ARHGEF11: variants seen among roughly 807,000 people sequenced by gnomAD.
ARHGEF11 encodes the protein Rho guanine nucleotide exchange factor 11.
Under a neutral mutation model 193.7 loss-of-function variants are expected in ARHGEF11, and 55 were observed. The ratio of observed to expected loss-of-function variants is 0.28; its 90% CI spans 0.23 to 0.36. ARHGEF11 has a LOEUF of 0.36. Ranked by LOEUF, ARHGEF11 falls within the 10% of genes least tolerant of loss-of-function variation. The pLI is 1.00. For synonymous variants in ARHGEF11, 693 were observed against 768.0 expected, an observed-to-expected ratio of 0.90 and a Z score of 1.62; for missense variants, 1,723 against 2,005.6, an observed-to-expected ratio of 0.86 and a Z score of 2.69.
chr1:157,023,248 G>T (rs985746238), intron 1 of ARHGEF11, among the ~76,000 whole-genome samples: 1 of 151,998 alleles, frequency 6.6e-6, no homozygotes, highest in Non-Finnish European at 1.5e-5. Context: ...CTCTGACAAG[G>T]GTCTAGTATA....
intron 1 of ARHGEF11, among the ~76,000 whole-genome samples, chr1:157,012,565 T>G (rs1035526571): frequency 5.3e-5 from 8 of 152,202 alleles, no homozygotes; most frequent in African/African-American, 1.9e-4. Flanking sequence ...TTTACAGATA[T>G]GAAGAAAACG....
At chr1:156,950,701 G>T (rs1658954960) in intron 22 of ARHGEF11, among the ~76,000 whole-genome samples, 1 of 152,180 alleles carries the variant, frequency 6.6e-6, no homozygotes, top group Non-Finnish European at 1.5e-5. Context: ...AAAATGGCTT[G>T]AATATCCACG....
intron 32 of ARHGEF11, 63 bp downstream of exon 32, chr1:156,943,872 A>C: frequency 3.9e-6 from 6 of 1,553,214 alleles, no homozygotes; most frequent in Non-Finnish European, 5.2e-6. Flanking sequence ...GCCCTGCCTC[A>C]CCCAGCACTT....
chr1:157,016,137 C>G (rs1435787758), intron 1 of ARHGEF11, among the ~76,000 whole-genome samples: 1 of 152,196 alleles, frequency 6.6e-6, no homozygotes, highest in African/African-American at 2.4e-5. Flanking sequence ...ATTGTGAGGA[C>G]TGAATGAGGC....
At chr1:157,019,157 T>C (rs1455413095) in intron 1 of ARHGEF11, among the ~76,000 whole-genome samples, 1 of 152,198 alleles carries the variant, frequency 6.6e-6, no homozygotes, top group Non-Finnish European at 1.5e-5. Flanking sequence ...ATTAAGAACT[T>C]TTGTTCCTCA....
chr1:157,035,687 T>A (rs933332278), intron 1 of ARHGEF11, among the ~76,000 whole-genome samples: 1 of 151,450 alleles, frequency 6.6e-6, no homozygotes, highest in Admixed American at 6.6e-5. Context: ...TCCTATATTC[T>A]CTACATTAGT....
intron 11 of ARHGEF11, among the ~76,000 whole-genome samples, chr1:156,966,359 C>T (rs1661666445): frequency 6.6e-6 from 1 of 152,242 alleles, no homozygotes; most frequent in Non-Finnish European, 1.5e-5. Context: ...TCAGCACACA[C>T]ATATGTAATT....
chr1:157,033,910 T>G (rs1671596680), intron 1 of ARHGEF11, among the ~76,000 whole-genome samples: 1 of 152,200 alleles, frequency 6.6e-6, no homozygotes, highest in South Asian at 2.1e-4. Flanking sequence ...AGGAGTAAGT[T>G]TGGGTGCTAT....
chr1:156,942,805 G>T, intron 32 of ARHGEF11, 25 bp from the exon 33 acceptor site: 1 of 1,603,922 alleles, frequency 6.2e-7, no homozygotes, highest in Non-Finnish European at 8.5e-7. Flanking sequence ...GAAGGTAGAA[G>T]GGTCTGTACT....
rs755035554 is a variant in ARHGEF11, at chr1:156,951,705, A to C, written c.1799-6T>G. On this transcript the variant is annotated splice_polypyrimidine_tract_variant and splice_region_variant and intron_variant, in intron 21 of 40. Transcript: ENST00000368194. ...CCTCACATTGCCTGGTTTGACTAGAAGCAAAAAGAAAATGAAGGACACTAG... is the reference window on the plus strand; with the variant it reads ...CCTCACATTGCCTGGTTTGACTAGACGCAAAAAGAAAATGAAGGACACTAG... 3.5e-5 allele frequency: 57 copies of C among 1,614,068 alleles called. No homozygotes were observed. The South Asian group carries it at 6.3e-4, about 18-fold the overall frequency.
intron 4 of ARHGEF11, 51 bp from the exon 5 acceptor site, chr1:156,979,337 T>A: frequency 2.2e-6 from 3 of 1,367,224 alleles, no homozygotes; most frequent in Non-Finnish European, 3.1e-6. Context: ...AGCTAGGGGA[T>A]CCTTCTGTAA....
intron 1 of ARHGEF11, among the ~76,000 whole-genome samples, chr1:157,011,798 A>G (rs907236768): frequency 6.6e-6 from 1 of 152,244 alleles, no homozygotes; most frequent in Non-Finnish European, 1.5e-5. Flanking sequence ...TACATCTACT[A>G]GGATGACTAG....
intron 11 of ARHGEF11, among the ~76,000 whole-genome samples, chr1:156,964,842 T>TGAGC (rs1051392765): frequency 1.8e-4 from 27 of 152,296 alleles, no homozygotes; most frequent in African/African-American, 6.3e-4. Flanking sequence ...AGGTGGTGGG[T>TGAGC]GAGCACTTCT....
At chr1:157,017,602 G>A (rs1340852940) in intron 1 of ARHGEF11, among the ~76,000 whole-genome samples, 5 of 150,770 alleles carry the variant, frequency 3.3e-5, no homozygotes, top group Admixed American at 6.6e-5. Flanking sequence ...AGCTACTTGG[G>A]AGGCTCAGGC....
At chr1:156,946,351 T>C (rs942273140) in intron 28 of ARHGEF11, among the ~76,000 whole-genome samples, 189 bp from the exon 29 acceptor site, 1 of 152,096 alleles carries the variant, frequency 6.6e-6, no homozygotes, top group Non-Finnish European at 1.5e-5. Flanking sequence ...GAGACACCAA[T>C]CCAAAGGGAT....
chr1:156,939,667 T>C lies in ARHGEF11; in HGVS notation c.3977A>G (p.Glu1326Gly). 1 of 1,614,008 alleles carries C rather than the reference T, an allele frequency of 6.2e-7. No individual in the cohort carries two copies. Among genetic ancestry groups the C allele is most frequent in the South Asian group, 1.1e-5 (1 of 91,074 alleles). Reference protein sequence around the residue: ...EQEDMGLCSLEHLPPRTRNSG... With the variant: ...EQEDMGLCSLGHLPPRTRNSG... Reference sequence around the variant, plus strand: ...ATTTCTGGTCCTTGGGGGTAGGTGTTCCAGAGAACAGAGACCCATGTCTTC... The same window carrying C: ...ATTTCTGGTCCTTGGGGGTAGGTGTCCCAGAGAACAGAGACCCATGTCTTC... The change falls in exon 37 of 41, where the codon GAA becomes GGA. Residue 1326 changes from glutamate (E) to glycine (G), a missense_variant. Transcript: ENST00000368194.
Position 157,044,470 on chromosome 1 carries a change from G to C in ARHGEF11, c.-140C>G, listed in dbSNP as rs986527895. The C allele has an allele frequency of 1.6e-5, 12 of 762,156 alleles. No homozygotes were observed. Among genetic ancestry groups the C allele is most frequent in the African/African-American group, 1.1e-4 (6 of 56,828 alleles). The allele number at this position is 762,156 out of a possible 1,614,324, so 47.2% of individuals were successfully genotyped here. ...GAATCCTTTCTCCTCCAGCTCTCAG[G>C]ACCCTGGTAACTGATGCTCCACTCT... On this transcript the variant is annotated 5_prime_UTR_variant, in exon 1 of 41. Transcript: ENST00000368194.
At chr1:157,042,224 T>C (rs577360964) in intron 1 of ARHGEF11, among the ~76,000 whole-genome samples, 1 of 152,200 alleles carries the variant, frequency 6.6e-6, no homozygotes, top group Admixed American at 6.5e-5. Flanking sequence ...GAGAAAATAG[T>C]GCTTTAACTA....
intron 11 of ARHGEF11, 112 bp from the exon 12 acceptor site, chr1:156,963,706 C>A: frequency 6.6e-7 from 1 of 1,506,772 alleles, no homozygotes; most frequent in Admixed American, 2.5e-5. Context: ...CCACCCGGGT[C>A]TGGTGAACGT....
Sources: gnomAD v4.1 joint callset for allele counts (sites outside exome capture counted in the v4.1 genomes callset) on GRCh38, gnomAD v4.1.1 for gene constraint, MANE v1.5 for transcripts, NCBI Gene and HGNC (gene_info 2026-07-23, HGNC 2026-07-21) for gene names.